The following CCDC171 variants were observed in gnomAD, a reference collection of about 807,000 sequenced individuals.
The protein encoded by CCDC171 is coiled-coil domain-containing protein 171.
Under a neutral mutation model 168.2 loss-of-function variants are expected in CCDC171, and 177 were observed. That is an observed-to-expected ratio of 1.05 (90% CI 0.93 to 1.19). The LOEUF (loss-of-function observed/expected upper bound fraction) is 1.19. Ranked by LOEUF, CCDC171 falls within the 50% of genes most tolerant of loss-of-function variation. CCDC171 has a pLI of 0.00. For synonymous variants in CCDC171, 687 were observed against 540.8 expected (o/e 1.27, Z -3.75); for missense variants, 1,991 against 1,539.0 (o/e 1.29, Z -4.91).
intron 7 of CCDC171, among the ~76,000 whole-genome samples, chr9:15,627,539 A>G (rs1200538134): frequency 6.6e-6 from 1 of 152,144 alleles, no homozygotes; most frequent in Non-Finnish European, 1.5e-5. Context: ...ATTGGTTTCA[A>G]AGAACATCTT....
At chr9:15,917,291 G>A (rs2026659) in intron 24 of CCDC171, among the ~76,000 whole-genome samples, 51,272 of 151,660 alleles carry the variant, frequency 0.34, 10,755 homozygotes, top group East Asian at 0.62. Flanking sequence ...GTTTAGAAGA[G>A]CATAGTATAT....
chr9:15,966,800 TC>T (rs1344256096), intron 25 of CCDC171, among the ~76,000 whole-genome samples: 3 of 152,132 alleles, frequency 2.0e-5, no homozygotes, highest in African/African-American at 7.2e-5. Context: ...CATAAAATAT[TC>T]CTACCAGCTT....
At chr9:15,849,497 A>T (rs903297935) in intron 23 of CCDC171, among the ~76,000 whole-genome samples, 1 of 151,384 alleles carries the variant, frequency 6.6e-6, no homozygotes, top group African/African-American at 2.4e-5. Context: ...ATAAACTCTG[A>T]GTGTTAATTT....
At chr9:15,836,555 G>C (rs528523107) in intron 21 of CCDC171, among the ~76,000 whole-genome samples, 31 of 152,218 alleles carry the variant, frequency 2.0e-4, no homozygotes, top group African/African-American at 7.2e-4. Flanking sequence ...GTTTCACTGT[G>C]TTAGCCAGGA....
rs369063179 is a variant in CCDC171 at position 15,846,792 on chromosome 9, C to T, written c.3358C>T (p.Arg1120Cys). Residue 1120 changes from arginine to cysteine, a missense_variant, in exon 22 of 26, where the codon CGT becomes TGT. By Grantham distance (180) the Arg-to-Cys change is radical. Coordinates refer to ENST00000380701, the MANE Select transcript of CCDC171 (RefSeq NM_173550.4). ...TCTTACCCAGCTGGAGCAGGACAAGCGTCGACTGGAGGAGAACATCCATGA... is the reference window on the plus strand; with the variant it reads ...TCTTACCCAGCTGGAGCAGGACAAGTGTCGACTGGAGGAGAACATCCATGA... ...RHLTQLEQDK[R>C]RLEENIHDAE... 9 of 1,611,550 alleles carry T rather than the reference C, an allele frequency of 5.6e-6. No homozygotes were observed. The highest frequency in any genetic ancestry group is 2.2e-5 in the East Asian group (1 of 44,818).
At chr9:15,616,144 T>G (rs1300589773) in intron 6 of CCDC171, among the ~76,000 whole-genome samples, 1 of 152,076 alleles carries the variant, frequency 6.6e-6, no homozygotes, top group African/African-American at 2.4e-5. Context: ...TAGAGACAAG[T>G]TTCCACCATG....
intron 24 of CCDC171, among the ~76,000 whole-genome samples, chr9:15,918,229 T>C (rs987350307): frequency 1.3e-5 from 2 of 151,720 alleles, no homozygotes; most frequent in Non-Finnish European, 3.0e-5. Context: ...AAATTAAGCA[T>C]GTAATATGCT....
chr9:16,026,036 T>G (rs530466483), intron 6 of CCDC171, among the ~76,000 whole-genome samples: 1 of 152,256 alleles, frequency 6.6e-6, no homozygotes, highest in South Asian at 2.1e-4. Context: ...TCCACACTGG[T>G]AAGGAAACCA....
At chr9:15,664,679 A>T (rs2048593450) in intron 8 of CCDC171, among the ~76,000 whole-genome samples, 1 of 148,970 alleles carries the variant, frequency 6.7e-6, no homozygotes, top group Non-Finnish European at 1.5e-5. Flanking sequence ...TGGTGGACAC[A>T]GGGAATATAG....
At chr9:15,905,923 A>G (rs1346914458) in intron 24 of CCDC171, among the ~76,000 whole-genome samples, 6 of 152,368 alleles carry the variant, frequency 3.9e-5, no homozygotes, top group South Asian at 2.1e-4. Flanking sequence ...GAAAATCTAG[A>G]AGAAATGGAT....
intron 18 of CCDC171, among the ~76,000 whole-genome samples, chr9:15,748,520 G>A (rs537972357): frequency 3.3e-5 from 5 of 152,190 alleles, no homozygotes; most frequent in Non-Finnish European, 5.9e-5. Context: ...ACACATAATC[G>A]ATAGATTCAC....
intron 10 of CCDC171, among the ~76,000 whole-genome samples, chr9:15,686,420 C>T (rs766224453): frequency 7.9e-5 from 12 of 151,830 alleles, no homozygotes; most frequent in South Asian, 2.1e-4. Flanking sequence ...ATATATGTAT[C>T]GGGAGAATGG....
chr9:15,720,671 A>G (rs2053419387), intron 11 of CCDC171, among the ~76,000 whole-genome samples: 1 of 152,234 alleles, frequency 6.6e-6, no homozygotes, highest in Non-Finnish European at 1.5e-5. Context: ...AGAATAGTGC[A>G]ATCAACAATC....
intron 24 of CCDC171, among the ~76,000 whole-genome samples, chr9:15,901,724 T>A (rs1821694048): frequency 6.6e-6 from 1 of 152,198 alleles, no homozygotes; most frequent in South Asian, 2.1e-4. Flanking sequence ...TAAACATTAA[T>A]GTGTCCTGTA....
At chr9:15,839,152 A>G (rs1319132453) in intron 21 of CCDC171, among the ~76,000 whole-genome samples, 2 of 152,196 alleles carry the variant, frequency 1.3e-5, no homozygotes, top group Non-Finnish European at 2.9e-5. Flanking sequence ...CAGTGATCCT[A>G]CTTTCACACA....
At chr9:15,862,868 A>G (rs750707036) in intron 23 of CCDC171, among the ~76,000 whole-genome samples, 4 of 152,062 alleles carry the variant, frequency 2.6e-5, no homozygotes, top group Non-Finnish European at 5.9e-5. Flanking sequence ...GACAAAAGAT[A>G]GAAATATCAC....
At chr9:15,707,535 C>T (rs1034721034) in intron 11 of CCDC171, among the ~76,000 whole-genome samples, 1 of 152,140 alleles carries the variant, frequency 6.6e-6, no homozygotes, top group Non-Finnish European at 1.5e-5. Flanking sequence ...TTGTAGTCTT[C>T]TTGTTCTCTT....
chr9:15,698,225 G>C (rs2051370958), intron 11 of CCDC171, among the ~76,000 whole-genome samples: 1 of 152,032 alleles, frequency 6.6e-6, no homozygotes, highest in African/African-American at 2.4e-5. Context: ...TCTCATGTGT[G>C]AGTAAGAACA....
At chr9:15,955,690 C>G (rs1157121925) in intron 25 of CCDC171, among the ~76,000 whole-genome samples, 1 of 152,132 alleles carries the variant, frequency 6.6e-6, no homozygotes, top group African/African-American at 2.4e-5. Flanking sequence ...CAGATTCTGC[C>G]AGTGCAATTG....
Sources: gnomAD v4.1 joint callset for allele counts (sites outside exome capture counted in the v4.1 genomes callset) on GRCh38, gnomAD v4.1.1 for gene constraint, MANE v1.5 for transcripts, NCBI Gene and HGNC (gene_info 2026-07-23, HGNC 2026-07-21) for gene names.